Variants in COLEC10 observed in about 807,000 individuals in gnomAD.
COLEC10 encodes the protein collectin subfamily member 10.
Under a neutral mutation model 28.4 loss-of-function variants are expected in COLEC10, and 22 were observed. The ratio of observed to expected loss-of-function variants is 0.78; its 90% confidence interval spans 0.55 to 1.11. The LOEUF is 1.11. Among genes scored for constraint, COLEC10 ranks in the 50% least tolerant of loss-of-function variants. The probability of loss-of-function intolerance (pLI) is 0.00; values close to 1 mark genes in which losing one functional copy is unlikely to be tolerated. For missense variants in COLEC10, 361 were observed against 344.1 expected (o/e 1.05, Z -0.39); for synonymous variants, 125 against 116.1 (o/e 1.08, Z -0.49).
At chr8:118,961,327 C>A in the COLEC10 span, among the ~76,000 whole-genome samples, 1 of 152,190 alleles carries the variant, frequency 6.6e-6, no homozygotes, top group African/African-American at 2.4e-5. Flanking sequence ...CTGTTTCATG[C>A]AATTCAAACC....
the COLEC10 span, among the ~76,000 whole-genome samples, chr8:118,984,018 TA>T: frequency 6.8e-6 from 1 of 148,008 alleles, no homozygotes; most frequent in Non-Finnish European, 1.5e-5. Context: ...TGTTCTACTA[TA>T]AAGACATGCA....
At chr8:118,977,787 AAT>A in the COLEC10 span, among the ~76,000 whole-genome samples, 1 of 150,794 alleles carries the variant, frequency 6.6e-6, no homozygotes, top group African/African-American at 2.4e-5. Context: ...AACTAAAAAA[AAT>A]ATATATATAT....
At chr8:119,045,434 T>C (rs1814570040) in intron 2 of COLEC10, among the ~76,000 whole-genome samples, 1 of 151,762 alleles carries the variant, frequency 6.6e-6, no homozygotes, top group Non-Finnish European at 1.5e-5. Context: ...ATACTGACAA[T>C]AGAGAAAGCT....
At chr8:119,090,612 A>G (rs371406714) in intron 2 of COLEC10, among the ~76,000 whole-genome samples, 52 of 152,374 alleles carry the variant, frequency 3.4e-4, no homozygotes, top group Middle Eastern at 3.4e-3. Flanking sequence ...TATAAAAAGA[A>G]ATAGCATTGG....
At chr8:119,074,935 T>C (rs1815197654) in intron 1 of COLEC10, among the ~76,000 whole-genome samples, 1 of 152,198 alleles carries the variant, frequency 6.6e-6, no homozygotes, top group African/African-American at 2.4e-5. Flanking sequence ...GACTTCTTCA[T>C]AGGGATGTGG....
chr8:119,011,314 C>G (rs913184017), intron 2 of COLEC10, among the ~76,000 whole-genome samples: 5 of 150,776 alleles, frequency 3.3e-5, no homozygotes, highest in Non-Finnish European at 7.4e-5. Context: ...TTTTTGGGCT[C>G]TCTGTTCTGA....
At chr8:119,036,426 A>G (rs1324475544) in intron 2 of COLEC10, among the ~76,000 whole-genome samples, 1 of 152,302 alleles carries the variant, frequency 6.6e-6, no homozygotes, top group East Asian at 1.9e-4. Context: ...TCTCATTATA[A>G]TATATATTGT....
At chr8:118,970,167 T>C in the COLEC10 span, among the ~76,000 whole-genome samples, 3 of 152,026 alleles carry the variant, frequency 2.0e-5, no homozygotes, top group East Asian at 1.9e-4. Flanking sequence ...CTTTTAAAAA[T>C]AGCTAAGGAA....
intron 2 of COLEC10, among the ~76,000 whole-genome samples, chr8:119,025,466 C>G (rs1178615143): frequency 6.6e-6 from 1 of 152,202 alleles, no homozygotes; most frequent in Non-Finnish European, 1.5e-5. Context: ...CCACCCACCC[C>G]TGTGGCCTTA....
intron 2 of COLEC10, among the ~76,000 whole-genome samples, chr8:119,020,517 G>T (rs1394126953): frequency 1.3e-5 from 2 of 152,116 alleles, no homozygotes; most frequent in Non-Finnish European, 2.9e-5. Context: ...TGAGTACTGG[G>T]ATTAAATTTT....
chr8:119,035,965 C>T (rs1249629878), intron 2 of COLEC10, among the ~76,000 whole-genome samples: 1 of 152,058 alleles, frequency 6.6e-6, no homozygotes, highest in Non-Finnish European at 1.5e-5. Context: ...TTTTTTACTT[C>T]CTCTGAATGA....
chr8:119,032,673 G>A (rs1814311198), intron 2 of COLEC10, among the ~76,000 whole-genome samples: 1 of 152,192 alleles, frequency 6.6e-6, no homozygotes, highest in South Asian at 2.1e-4. Flanking sequence ...AGGCCCAGGA[G>A]GTCGGATCAC....
At chr8:119,046,669 C>T (rs1300971457) in intron 2 of COLEC10, among the ~76,000 whole-genome samples, 1 of 152,124 alleles carries the variant, frequency 6.6e-6, no homozygotes, top group Non-Finnish European at 1.5e-5. Flanking sequence ...TGAGTTGAAG[C>T]TGGAGCCATC....
the COLEC10 span, among the ~76,000 whole-genome samples, chr8:118,960,539 C>CT: frequency 3.9e-5 from 6 of 152,064 alleles, no homozygotes; most frequent in African/African-American, 1.4e-4. Context: ...AATCCCAGCA[C>CT]TTTGGGAGGC....
At chr8:119,078,566 A>G (rs1815301647) in intron 1 of COLEC10, among the ~76,000 whole-genome samples, 1 of 152,180 alleles carries the variant, frequency 6.6e-6, no homozygotes, top group African/African-American at 2.4e-5. Context: ...TTACATGTGA[A>G]CATCAATGGA....
At chr8:119,091,391 A>G (rs906565019) in intron 3 of COLEC10, among the ~76,000 whole-genome samples, 171 bp downstream of exon 3, 1 of 151,776 alleles carries the variant, frequency 6.6e-6, no homozygotes, top group African/African-American at 2.4e-5. Flanking sequence ...CTACCAAAAA[A>G]AAAAAAAAAA....
intron 2 of COLEC10, among the ~76,000 whole-genome samples, chr8:119,040,217 C>T (rs796947585): frequency 3.9e-5 from 6 of 151,984 alleles, no homozygotes; most frequent in Admixed American, 6.6e-5. Context: ...TGAGAAATAA[C>T]GTGCAGGCAA....
chr8:118,970,029 C>T, the COLEC10 span, among the ~76,000 whole-genome samples: 1 of 152,000 alleles, frequency 6.6e-6, no homozygotes, highest in Admixed American at 6.6e-5. Context: ...ACTGCATTTG[C>T]AATCCTCTGA....
At chr8:119,093,122 T>C (rs1367452112) in intron 3 of COLEC10, among the ~76,000 whole-genome samples, 1 of 152,190 alleles carries the variant, frequency 6.6e-6, no homozygotes, top group African/African-American at 2.4e-5. Flanking sequence ...ATAATTTCTG[T>C]AGCCTTGATG....
Sources: allele counts gnomAD v4.1 joint callset (sites outside exome capture counted in the v4.1 genomes callset), GRCh38; gene constraint gnomAD v4.1.1; transcripts MANE v1.5; gene names NCBI Gene and HGNC (gene_info 2026-07-23, HGNC 2026-07-21).